Variants in MAPK4 observed in about 807,000 individuals in gnomAD.
MAPK4 encodes the protein Erk3-related.
In MAPK4, 22 loss-of-function variants were observed where a neutral mutation model predicts 47.7. The ratio of observed to expected loss-of-function variants is 0.46; its 90% CI spans 0.33 to 0.66. The LOEUF (loss-of-function observed/expected upper bound fraction) is 0.66, where lower values mean the gene tolerates loss of function less well. Among genes scored for constraint, MAPK4 ranks in the 30% least tolerant of loss-of-function variants. MAPK4 has a pLI of 0.02. For synonymous variants in MAPK4, 390 were observed against 365.7 expected (o/e 1.07, Z -0.76); for missense variants, 736 against 831.7 (o/e 0.88, Z 1.42).
chr18:50,601,140 G>A (rs1179920762), intron 1 of MAPK4, among the ~76,000 whole-genome samples: 1 of 150,406 alleles, frequency 6.6e-6, no homozygotes, highest in African/African-American at 2.4e-5. Flanking sequence ...GACAGAGAGA[G>A]AGACATAGTG....
At chr18:50,634,919 C>T (rs2042869686) in intron 1 of MAPK4, among the ~76,000 whole-genome samples, 1 of 152,134 alleles carries the variant, frequency 6.6e-6, no homozygotes, top group African/African-American at 2.4e-5. Flanking sequence ...CTGACTGCAC[C>T]TTAGAATCAG....
chr18:50,632,696 T>C (rs962496108), intron 1 of MAPK4, among the ~76,000 whole-genome samples: 1 of 151,004 alleles, frequency 6.6e-6, no homozygotes, highest in African/African-American at 2.4e-5. Context: ...CTCGGCTCAT[T>C]GCAACCTCAG....
At chr18:50,623,317 T>G (rs1260076501) in intron 1 of MAPK4, among the ~76,000 whole-genome samples, 1 of 152,194 alleles carries the variant, frequency 6.6e-6, no homozygotes, top group Non-Finnish European at 1.5e-5. Flanking sequence ...GGGGCTGGTT[T>G]CAAAAGAATT....
chr18:50,659,827 G>A (rs1212585625), intron 1 of MAPK4, among the ~76,000 whole-genome samples: 1 of 152,182 alleles, frequency 6.6e-6, no homozygotes. Context: ...ATCTCAGACA[G>A]TGAATGCCAC....
Position 50,664,120 on chromosome 18 carries a change from C to T in MAPK4, c.162C>T (p.Ser54=), listed in dbSNP as rs56259916. 1,825 of 1,614,060 alleles carry T rather than the reference C, an allele frequency of 1.1e-3. 7 individuals carry two copies. The African/African-American group carries it at 0.018, about 16-fold the overall frequency. ...TCGCTGTGAAGAAGATTGCCCTGAGCGATGCCCGCAGCATGAAGCACGCGC... is the reference window on the plus strand; with the variant it reads ...TCGCTGTGAAGAAGATTGCCCTGAGTGATGCCCGCAGCATGAAGCACGCGC... ...RKVAVKKIAL[S]DARSMKHALR... Residue 54 remains serine (S), a synonymous_variant, in exon 2 of 6, where the codon AGC becomes AGT. Transcript: ENST00000400384. This position sits in a 1 kb window ranked among gnomAD's most constrained non-coding sequence, Gnocchi z 6.0.
At chr18:50,618,689 A>C (rs1425153497) in intron 1 of MAPK4, among the ~76,000 whole-genome samples, 1 of 152,132 alleles carries the variant, frequency 6.6e-6, no homozygotes, top group East Asian at 1.9e-4. Context: ...GTTTATATCT[A>C]TTTCTATCTT....
chr18:50,560,623 G>C (rs2042144796), intron 1 of MAPK4: 1 of 152,672 alleles, frequency 6.5e-6, no homozygotes, highest in African/African-American at 2.4e-5. Context: ...TGGGGTCGCC[G>C]AGGGGCAGTT....
intron 1 of MAPK4, among the ~76,000 whole-genome samples, chr18:50,616,199 A>G (rs2042683234): frequency 6.6e-6 from 1 of 152,174 alleles, no homozygotes; most frequent in Non-Finnish European, 1.5e-5. Flanking sequence ...TGGGGCTTCT[A>G]ATGCTACAAA....
At chr18:50,572,759 T>C (rs1432879592) in intron 1 of MAPK4, among the ~76,000 whole-genome samples, 2 of 152,236 alleles carry the variant, frequency 1.3e-5, no homozygotes, top group Non-Finnish European at 2.9e-5. Context: ...AGTGTTTTGC[T>C]CTACAATTTG....
chr18:50,636,954 G>C (rs145174716), intron 1 of MAPK4, among the ~76,000 whole-genome samples: 1 of 151,904 alleles, frequency 6.6e-6, no homozygotes, highest in Non-Finnish European at 1.5e-5. Context: ...CCCAACTCCT[G>C]TCACAGCCTC....
chr18:50,622,893 G>A (rs11663975), intron 1 of MAPK4, among the ~76,000 whole-genome samples: 2 of 152,164 alleles, frequency 1.3e-5, no homozygotes, highest in Non-Finnish European at 2.9e-5. Flanking sequence ...AATGATTGTC[G>A]GGGAGAAAGT....
chr18:50,706,915 T>A (rs1910087710), intron 2 of MAPK4, among the ~76,000 whole-genome samples: 1 of 152,192 alleles, frequency 6.6e-6, no homozygotes, highest in Non-Finnish European at 1.5e-5. Context: ...CTTTGAACTG[T>A]AATAGGATTC....
intron 2 of MAPK4, among the ~76,000 whole-genome samples, chr18:50,679,595 G>A (rs1036538136): frequency 6.6e-6 from 1 of 151,770 alleles, no homozygotes; most frequent in Non-Finnish European, 1.5e-5. Context: ...AGGCCCCACT[G>A]CTAATGAGAG....
chr18:50,583,960 G>A (rs537358416), intron 1 of MAPK4, among the ~76,000 whole-genome samples: 36 of 152,312 alleles, frequency 2.4e-4, no homozygotes, highest in African/African-American at 8.2e-4. Context: ...CTTCACAGCA[G>A]TGAATTGGGG....
chr18:50,651,391 A>C (rs1027697396), intron 1 of MAPK4, among the ~76,000 whole-genome samples: 4 of 152,178 alleles, frequency 2.6e-5, no homozygotes, highest in Non-Finnish European at 5.9e-5. Context: ...GGCCCTGACC[A>C]TCAAGACTAA....
chr18:50,697,098 G>A (rs1909554872), intron 2 of MAPK4, among the ~76,000 whole-genome samples: 1 of 152,294 alleles, frequency 6.6e-6, no homozygotes, highest in South Asian at 2.1e-4. Context: ...AACCCTGGGG[G>A]TGAGGCCAGC....
chr18:50,660,827 A>G (rs994781833), intron 1 of MAPK4, among the ~76,000 whole-genome samples: 9 of 152,202 alleles, frequency 5.9e-5, no homozygotes, highest in African/African-American at 2.2e-4. Flanking sequence ...GCAGCCCACA[A>G]GAAAGGTGGA....
intron 1 of MAPK4, among the ~76,000 whole-genome samples, chr18:50,621,335 T>G (rs538415555): frequency 1.3e-5 from 2 of 152,302 alleles, no homozygotes; most frequent in South Asian, 4.2e-4. Context: ...ATAACAACTG[T>G]TCTTAAGCAC....
At chr18:50,600,992 T>C (rs1055789075) in intron 1 of MAPK4, among the ~76,000 whole-genome samples, 5 of 151,640 alleles carry the variant, frequency 3.3e-5, no homozygotes, top group Admixed American at 6.6e-5. Flanking sequence ...GCACAATGGC[T>C]CACTCCTGTA....
Sources: gnomAD v4.1 joint callset for allele counts (sites outside exome capture counted in the v4.1 genomes callset) on GRCh38, gnomAD v4.1.1 for gene constraint, Gnocchi (gnomAD v3.1) non-coding constraint, MANE v1.5 for transcripts, NCBI Gene and HGNC (gene_info 2026-07-23, HGNC 2026-07-21) for gene names.